Variants in DGKB observed in about 807,000 individuals in gnomAD.
The protein encoded by DGKB is 90 kDa diacylglycerol kinase.
DGKB carries 67 observed loss-of-function variants against 114.3 expected under a neutral mutation model. That is an observed-to-expected ratio of 0.59 (90% confidence interval 0.48 to 0.72). DGKB has a LOEUF of 0.72. DGKB is among the 30% of genes least tolerant of loss of function. The pLI, the probability that DGKB is intolerant of heterozygous loss-of-function variation, is 0.00. For missense variants in DGKB, 907 were observed against 975.2 expected (o/e 0.93, Z 0.93); for synonymous variants, 398 against 323.1 (o/e 1.23, Z -2.49).
rs900547071 is a variant in DGKB, at chr7:14,536,239, C to G, written c.1770+37973G>C. On this transcript the variant is annotated intron_variant, in intron 20 of 25. Transcript: ENST00000402815. The stretch of plus-strand genomic sequence containing the variant: ...CCAAACATTTAAAAAAGAATTAATA[C>G]CAATCCTTTTAAAAGTCTTCCAAAA... Among the ~76,000 whole-genome samples, 3 of 152,080 alleles carry G rather than the reference C, an allele frequency of 2.0e-5. No homozygotes were observed. The South Asian group carries it at 6.2e-4, about 32-fold the overall frequency.
chr7:14,478,381 T>A (rs921823308), intron 20 of DGKB, among the ~76,000 whole-genome samples, 156 bp from the exon 21 acceptor site: 7 of 152,160 alleles, frequency 4.6e-5, no homozygotes, highest in African/African-American at 1.7e-4. Context: ...AAATGTGTGA[T>A]CCATATGCAG....
intron 5 of DGKB, among the ~76,000 whole-genome samples, chr7:14,733,822 G>T (rs1346301772): frequency 1.3e-5 from 2 of 151,460 alleles, no homozygotes; most frequent in African/African-American, 4.8e-5. Context: ...GGGAAGGAAG[G>T]AAGGAGGGAA....
chr7:14,188,640 ACAAAGCGAGACTCCGTCT>A (rs1783828582), intron 23 of DGKB, among the ~76,000 whole-genome samples: 1 of 115,112 alleles, frequency 8.7e-6, no homozygotes, highest in Admixed American at 1.0e-4. Flanking sequence ...AGCCTGGGCG[ACAAAGCGAGACTCCGTCT>A]CAAAAAAAAA....
chr7:14,749,372 T>C (rs970038823), intron 4 of DGKB, among the ~76,000 whole-genome samples: 1 of 152,120 alleles, frequency 6.6e-6, no homozygotes, highest in African/African-American at 2.4e-5. Context: ...TTTTGGCAAA[T>C]GAAAACTATT....
chr7:14,830,212 A>C (rs1846225936), intron 2 of DGKB, among the ~76,000 whole-genome samples: 1 of 152,054 alleles, frequency 6.6e-6, no homozygotes, highest in Non-Finnish European at 1.5e-5. Flanking sequence ...TATTAGTAAG[A>C]GAGTTTTACA....
intron 2 of DGKB, among the ~76,000 whole-genome samples, chr7:14,761,267 G>T (rs1835655094): frequency 6.6e-6 from 1 of 152,096 alleles, no homozygotes; most frequent in African/African-American, 2.4e-5. Context: ...ATAAGGATTT[G>T]CGCATGGAAC....
rs116870067 is a variant in DGKB at position 14,494,560 on chromosome 7, T to C, written c.1771-16335A>G. ...TGGGTTAACCACACTTATGGCTTAATATGGCATTCACTTATTAAGAATGAT... is the reference window on the plus strand; with the variant it reads ...TGGGTTAACCACACTTATGGCTTAACATGGCATTCACTTATTAAGAATGAT... On this transcript the variant is annotated intron_variant, in intron 20 of 25. Transcript: ENST00000402815. Among the ~76,000 whole-genome samples the C allele has an allele frequency of 5.3e-3, 810 of 152,070 alleles. 3 individuals carry two copies. The highest frequency in any genetic ancestry group is 9.4e-3 in the Non-Finnish European group (641 of 67,904).
chr7:14,392,787 A>T (rs1322994065), intron 21 of DGKB, among the ~76,000 whole-genome samples: 1 of 152,122 alleles, frequency 6.6e-6, no homozygotes, highest in Non-Finnish European at 1.5e-5. Context: ...CAATGAATAA[A>T]ATAAGAATTT....
chr7:14,800,920 G>A (rs1021627907), intron 2 of DGKB, among the ~76,000 whole-genome samples: 12 of 152,154 alleles, frequency 7.9e-5, no homozygotes, highest in African/African-American at 2.9e-4. Flanking sequence ...GCCATGACCA[G>A]TTGAGGTACA....
chr7:14,631,601 T>C (rs1809725743), intron 13 of DGKB, among the ~76,000 whole-genome samples: 2 of 152,132 alleles, frequency 1.3e-5, no homozygotes, highest in South Asian at 4.1e-4. Context: ...TGAAGATGAA[T>C]TGACAGTAGG....
intron 9 of DGKB, 41 bp from the exon 10 acceptor site, chr7:14,685,403 T>C (rs1360346001): frequency 1.4e-6 from 2 of 1,419,902 alleles, no homozygotes; most frequent in East Asian, 2.3e-5. Context: ...CTTAATGAAA[T>C]AAACAGTGAA....
chr7:14,621,398 C>T lies in DGKB; in HGVS notation c.1264G>A (p.Val422Ile). The change falls in exon 15 of 26, where the codon GTA (valine) becomes ATA (isoleucine). Residue 422 changes from valine (V) to isoleucine (I), a missense_variant. By Grantham distance (29) the Val-to-Ile change is conservative. Around this residue, in one of 3 missense-constraint regions of DGKB, gnomAD observed 814 missense variants for 856.6 expected, o/e 0.95. Coordinates refer to ENST00000402815, the MANE Select transcript of DGKB (RefSeq NM_001350709.2). ...NKMQRANSVT[V>I]DGQGLQVTPV... The stretch of plus-strand genomic sequence containing the variant: ...CATACCTGCAGGCCTTGTCCATCTA[C>T]AGTAACAGAGTTGGCTCTTTGCATT... 1 of 1,609,428 alleles carries T rather than the reference C, an allele frequency of 6.2e-7. No individual in the cohort carries two copies. Among genetic ancestry groups the T allele is most frequent in the Non-Finnish European group, 8.5e-7 (1 of 1,176,884 alleles).
intron 6 of DGKB, among the ~76,000 whole-genome samples, chr7:14,712,208 G>C (rs1239976547): frequency 2.6e-5 from 4 of 151,804 alleles, no homozygotes; most frequent in African/African-American, 7.3e-5. Flanking sequence ...AACATAAGAA[G>C]AAAGAAAAGA....
At chr7:14,927,117 G>A (rs562252954) in intron 1 of DGKB, among the ~76,000 whole-genome samples, 7 of 151,604 alleles carry the variant, frequency 4.6e-5, no homozygotes, top group East Asian at 1.9e-4. Context: ...CATGTTTCTC[G>A]GAGTTTCTTG....
At chr7:14,256,847 A>G (rs1053106144) in intron 23 of DGKB, among the ~76,000 whole-genome samples, 3 of 151,864 alleles carry the variant, frequency 2.0e-5, no homozygotes, top group African/African-American at 4.8e-5. Flanking sequence ...TGGTTTTTCT[A>G]TATGTATCTC....
intron 2 of DGKB, among the ~76,000 whole-genome samples, chr7:14,768,301 G>A (rs1836775599): frequency 1.3e-5 from 2 of 151,916 alleles, no homozygotes; most frequent in African/African-American, 4.8e-5. Context: ...ATAATTAAAT[G>A]TAGTTGAAGA....
intron 23 of DGKB, among the ~76,000 whole-genome samples, chr7:14,260,823 A>G (rs1796668518): frequency 1.3e-5 from 2 of 152,222 alleles, no homozygotes; most frequent in African/African-American, 4.8e-5. Context: ...AGGTAAGGTT[A>G]TAATTAAAAC....
intron 1 of DGKB, among the ~76,000 whole-genome samples, chr7:14,876,483 A>G (rs946629877): frequency 2.0e-5 from 3 of 152,208 alleles, no homozygotes. Context: ...CTCGCGGGCT[A>G]AGCCTCACTT....
At chr7:14,584,445 G>A (rs1414109029) in intron 17 of DGKB, among the ~76,000 whole-genome samples, 1 of 152,018 alleles carries the variant, frequency 6.6e-6, no homozygotes, top group Non-Finnish European at 1.5e-5. Flanking sequence ...TCATTTCCTT[G>A]CAACCACAAA....
Sources: gnomAD v4.1 joint callset for allele counts (sites outside exome capture counted in the v4.1 genomes callset) on GRCh38, gnomAD v4.1.1 for gene constraint, gnomAD v4.1.1 regional missense constraint, MANE v1.5 for transcripts, NCBI Gene and HGNC (gene_info 2026-07-23, HGNC 2026-07-21) for gene names.